The following TGM6 variants were observed in gnomAD, a reference collection of about 807,000 sequenced individuals.
The protein encoded by TGM6 is transglutaminase 6.
In TGM6, 74 loss-of-function variants were observed where a neutral mutation model predicts 77.5. The ratio of observed to expected loss-of-function variants is 0.96; its 90% CI spans 0.79 to 1.16. The LOEUF (loss-of-function observed/expected upper bound fraction) is 1.16, where lower values mean the gene tolerates loss of function less well. Ranked by LOEUF, TGM6 falls within the 50% of genes most tolerant of loss-of-function variation. TGM6 has a pLI of 0.00. For synonymous variants in TGM6, 383 were observed against 378.9 expected, an observed-to-expected ratio of 1.01 and a Z score of -0.12; for missense variants, 968 against 940.2, an observed-to-expected ratio of 1.03 and a Z score of -0.39.
chr20:2,414,943 G>C (rs377539946), intron 9 of TGM6, among the ~76,000 whole-genome samples: 8 of 139,424 alleles, frequency 5.7e-5, no homozygotes, highest in African/African-American at 8.1e-5. Context: ...TTGGGGGGGG[G>C]GGTGAAAAAA....
rs9679998 is a variant in TGM6, at chr20:2,384,085, C to T, written c.7+3110C>T. ...TTGTGCCACTGCACTCCAGCCTGGGCGACAGAGTGAGACTCCGTCTCAAAA... is the reference window on the plus strand; with the variant it reads ...TTGTGCCACTGCACTCCAGCCTGGGTGACAGAGTGAGACTCCGTCTCAAAA... On this transcript the variant is annotated intron_variant, in intron 1 of 12. Transcript: ENST00000202625. 5.1e-3 allele frequency among the ~76,000 whole-genome samples: 675 copies of T among 133,346 alleles called. 4 individuals are homozygous for T. The highest frequency in any genetic ancestry group is 0.016 in the African/African-American group (554 of 34,594). 87.5% of individuals were successfully genotyped at this position (133,346 alleles called of 152,430 possible).
At chr20:2,383,227 T>C (rs1410656636) in intron 1 of TGM6, among the ~76,000 whole-genome samples, 1 of 152,214 alleles carries the variant, frequency 6.6e-6, no homozygotes, top group Non-Finnish European at 1.5e-5. Context: ...GTCCAGAGTC[T>C]GGAAGATGCC....
chr20:2,409,483 G>A (rs1181508248), intron 9 of TGM6, among the ~76,000 whole-genome samples: 2 of 152,176 alleles, frequency 1.3e-5, no homozygotes, highest in African/African-American at 4.8e-5. Context: ...AGGCCGAGGT[G>A]TGCAGATCAC....
At chr20:2,417,606 A>G (rs2084827752) in intron 10 of TGM6, 33 bp downstream of exon 10, 1 of 1,574,654 alleles carries the variant, frequency 6.4e-7, no homozygotes. Flanking sequence ...GAATCAGGCC[A>G]AACCACCTCC....
chr20:2,425,132 G>T (rs2084879304), intron 10 of TGM6, among the ~76,000 whole-genome samples: 1 of 152,006 alleles, frequency 6.6e-6, no homozygotes. Flanking sequence ...CTTGAACCTA[G>T]GAGTTTGAGA....
At chr20:2,408,704 A>G (rs918460476) in intron 9 of TGM6, among the ~76,000 whole-genome samples, 8 of 152,330 alleles carry the variant, frequency 5.3e-5, no homozygotes, top group Admixed American at 2.6e-4. Context: ...GTGAAGCTAC[A>G]GGACATATAA....
At position 2,417,540 on chromosome 20, in the gene TGM6, G is replaced by C; in HGVS notation, c.1645G>C (p.Glu549Gln). The C allele has an allele frequency of 6.2e-7, 1 of 1,605,038 alleles. No individual in the cohort carries two copies. Among genetic ancestry groups the C allele is most frequent in the Non-Finnish European group, 8.5e-7 (1 of 1,179,896 alleles). ...CAAGCCAGTGGCAGAGATCCTGCAT[G>C]AATCCCACGCCGTGAGGCTGGGGCC... ...TRKPVAEILH[E>Q]SHAVRLGPQE... Residue 549 changes from glutamate to glutamine, a missense_variant, in exon 10 of 13, where the codon GAA becomes CAA. Coordinates refer to ENST00000202625, the MANE Select transcript of TGM6 (RefSeq NM_198994.3).
At chr20:2,392,884 CAG>C (rs1244077007) in intron 1 of TGM6, among the ~76,000 whole-genome samples, 1 of 152,136 alleles carries the variant, frequency 6.6e-6, no homozygotes, top group African/African-American at 2.4e-5. Context: ...GCCTGGGTGA[CAG>C]AGAGACACTC....
At chr20:2,408,121 A>G (rs1365965700) in intron 9 of TGM6, among the ~76,000 whole-genome samples, 3 of 152,076 alleles carry the variant, frequency 2.0e-5, no homozygotes, top group African/African-American at 7.2e-5. Context: ...AGGATTCCAG[A>G]CTCATGCTGG....
chr20:2,404,693 C>T (rs920420664), intron 9 of TGM6, among the ~76,000 whole-genome samples: 11 of 151,790 alleles, frequency 7.2e-5, no homozygotes, highest in African/African-American at 2.4e-4. Flanking sequence ...CAGACTGGAG[C>T]GCAATAATGT....
In TGM6 at chr20:2,403,701, A is replaced by G. The variant is rs1233149473; in HGVS notation, c.1214A>G (p.His405Arg). The G allele has an allele frequency of 2.5e-6, 4 of 1,614,080 alleles. No individual in the cohort carries two copies. The highest frequency in any genetic ancestry group is 2.7e-5 in the African/African-American group (2 of 74,932). The change falls in exon 9 of 13, where the codon CAC becomes CGC. Residue 405 changes from histidine to arginine, a missense_variant. His to Arg is a conservative substitution (Grantham distance 29). Transcript: ENST00000202625. ...GCCGACTACATCACCTGGCTGTGGC[A>G]CGAGGATGAGAGCCGGGAGCGTGTA... is the stretch of plus-strand genomic sequence containing the variant. ...VNADYITWLW[H>R]EDESRERVYS...
intron 12 of TGM6, among the ~76,000 whole-genome samples, chr20:2,431,841 T>C (rs951594495): frequency 2.6e-5 from 4 of 152,080 alleles, no homozygotes; most frequent in Non-Finnish European, 5.9e-5. Flanking sequence ...ATGGCTGGTG[T>C]TGTCAGGGAA....
chr20:2,409,529 T>C (rs1055010287), intron 9 of TGM6, among the ~76,000 whole-genome samples: 4 of 152,020 alleles, frequency 2.6e-5, no homozygotes, highest in Admixed American at 6.6e-5. Flanking sequence ...CTGGCCAACA[T>C]TGGGAAACCC....
chr20:2,411,508 T>A lies in TGM6; in HGVS notation c.1337-5724T>A, dbSNP rs556785839. 6.6e-5 allele frequency among the ~76,000 whole-genome samples: 10 copies of A among 152,104 alleles called. No homozygotes were observed. In the South Asian group the frequency reaches 2.1e-3, roughly 31 times the overall value. ...ATAGAAGTAAACTTCCTCAGTCTGA[T>A]AAGTCACCTATAAAAAAGCTACAGC... On this transcript the variant is annotated intron_variant, in intron 9 of 12. Coordinates refer to ENST00000202625, the MANE Select transcript of TGM6 (RefSeq NM_198994.3).
In TGM6 at chr20:2,403,692, G is replaced by T. The variant is rs1055833106; in HGVS notation, c.1205G>T (p.Trp402Leu). The T allele has an allele frequency of 2.5e-6, 4 of 1,614,068 alleles. No individual in the cohort carries two copies. Among genetic ancestry groups the T allele is most frequent in the African/African-American group, 1.3e-5 (1 of 74,924 alleles). ...GAGGTCAACGCCGACTACATCACCT[G>T]GCTGTGGCACGAGGATGAGAGCCGG... ...FAEVNADYITWLWHEDESRER... is the reference protein window; with the variant it reads ...FAEVNADYITLLWHEDESRER... The change falls in exon 9 of 13, where the codon TGG (tryptophan) becomes TTG (leucine). Residue 402 changes from tryptophan to leucine, a missense_variant. By Grantham distance (61) the Trp-to-Leu change is moderately conservative. Transcript: ENST00000202625.
chr20:2,383,191 G>C (rs371119993), intron 1 of TGM6, among the ~76,000 whole-genome samples: 2 of 152,158 alleles, frequency 1.3e-5, no homozygotes, highest in African/African-American at 4.8e-5. Flanking sequence ...ATTATAATGG[G>C]GCCCATTAAA....
At position 2,403,744 on chromosome 20, in the gene TGM6, G is replaced by T; in HGVS notation, c.1257G>T (p.Lys419Asn). 1 of 1,614,224 alleles carries T rather than the reference G, an allele frequency of 6.2e-7. No individual in the cohort carries two copies. Among genetic ancestry groups the T allele is most frequent in the Non-Finnish European group, 8.5e-7 (1 of 1,180,048 alleles). ...SRERVYSNTK[K>N]IGRCISTKAV... ...AGCGTGTATACTCAAACACGAAGAA[G>T]ATTGGGAGATGCATCAGCACCAAGG... Residue 419 changes from lysine (K) to asparagine (N), a missense_variant, in exon 9 of 13, where the codon AAG (lysine) becomes AAT (asparagine). Coordinates refer to ENST00000202625, the MANE Select transcript of TGM6 (RefSeq NM_198994.3).
rs1489071559 is a variant in TGM6 at position 2,432,505 on chromosome 20, G to A, written c.1983G>A (p.Glu661=). ...EQLSIDVPTL[E]PQERASVQFD... is the part of the protein sequence containing the mutation. Reference sequence around the variant, plus strand: ...CTTCCTCCAGCGTGCCTACCCTGGAGCCTCAGGAGAGGGCCTCAGTCCAGT... The same window carrying A: ...CTTCCTCCAGCGTGCCTACCCTGGAACCTCAGGAGAGGGCCTCAGTCCAGT... Residue 661 remains glutamate (E), a synonymous_variant, in exon 13 of 13, where the codon GAG becomes GAA. Coordinates refer to ENST00000202625, the MANE Select transcript of TGM6 (RefSeq NM_198994.3). 6.2e-7 allele frequency: 1 copy of A among 1,613,940 alleles called. No individual in the cohort carries two copies. The highest frequency in any genetic ancestry group is 1.3e-5 in the African/African-American group (1 of 74,896).
rs754262147 is a variant in TGM6, at chr20:2,395,188, C to T, written c.182-6C>T. On this transcript the variant is annotated splice_region_variant and splice_polypyrimidine_tract_variant and intron_variant, in intron 2 of 12. Transcript: ENST00000202625. ...GGGTCTCCTGATTCCCTCTCCTCTC[C>T]TCCAGGACCCCGGGCTTCTGAGGCC... is the stretch of plus-strand genomic sequence containing the variant. 1 of 1,612,426 alleles carries T rather than the reference C, an allele frequency of 6.2e-7. No individual in the cohort carries two copies. Among genetic ancestry groups the T allele is most frequent in the Non-Finnish European group, 8.5e-7 (1 of 1,180,018 alleles).
Sources: allele counts gnomAD v4.1 joint callset (sites outside exome capture counted in the v4.1 genomes callset), GRCh38; gene constraint gnomAD v4.1.1; transcripts MANE v1.5; gene names NCBI Gene and HGNC (gene_info 2026-07-23, HGNC 2026-07-21).